ANHX: variants seen among roughly 807,000 people sequenced by gnomAD.
ANHX encodes anomalous homeobox protein.
In ANHX, 20 loss-of-function variants were observed where a neutral mutation model predicts 38.9. That is an observed-to-expected ratio of 0.51 (90% confidence interval 0.36 to 0.75). The LOEUF (loss-of-function observed/expected upper bound fraction) is 0.75. Ranked by LOEUF, ANHX falls within the 30% of genes least tolerant of loss-of-function variation. ANHX has a pLI of 0.00. For missense variants in ANHX, 475 were observed against 493.1 expected (o/e 0.96, Z 0.35); for synonymous variants, 185 against 203.1 (o/e 0.91, Z 0.76).
At chr12:133,230,102 G>C in intron 3 of ANHX, among the ~76,000 whole-genome samples, 1 of 152,216 alleles carries the variant, frequency 6.6e-6, no homozygotes, top group East Asian at 1.9e-4. Context: ...CTCACTCTCT[G>C]AATTATGTGA....
At chr12:133,220,655 C>A (rs1327661704) in intron 8 of ANHX, among the ~76,000 whole-genome samples, 25 of 152,234 alleles carry the variant, frequency 1.6e-4, no homozygotes, top group Non-Finnish European at 2.9e-5. Flanking sequence ...TCTGCTAGAA[C>A]AGGAGTGGCG....
In ANHX at chr12:133,221,288, G is replaced by A; in HGVS notation, c.1197C>T (p.Ser399=). ...CCACCCGTAGCTCTGTCCGTCCACT[G>A]CTTGTGCCCAGACCCTCCTCCAATT... is the stretch of plus-strand genomic sequence containing the variant. ...SVQLEEGLGT[S]SGRTELRVGS... Residue 399 remains serine, a synonymous_variant, in exon 8 of 10, where the codon AGC becomes AGT. Transcript: ENST00000545940. This position sits in a 1 kb window ranked among gnomAD's most constrained non-coding sequence, Gnocchi z 4.1. 1 of 1,536,070 alleles carries A rather than the reference G, an allele frequency of 6.5e-7. No homozygotes were observed. The highest frequency in any genetic ancestry group is 8.7e-7 in the Non-Finnish European group (1 of 1,146,902).
chr12:133,219,047 C>T, intron 9 of ANHX, 76 bp from the exon 10 acceptor site: 1 of 1,374,406 alleles, frequency 7.3e-7, no homozygotes. Flanking sequence ...TGGGCACCTC[C>T]TGACCTTGGG....
chr12:133,221,798 T>A lies in ANHX; in HGVS notation c.1133-446A>T, dbSNP rs1277751341. The stretch of plus-strand genomic sequence containing the variant: ...AGGTTACCAAGATGTCACTGAGGTA[T>A]AAGCTGTCACTAGTTTCCCCTCCCT... On this transcript the variant is annotated intron_variant, in intron 7 of 9. Transcript: ENST00000545940. This position sits in a 1 kb window ranked among gnomAD's most constrained non-coding sequence, Gnocchi z 4.1. 6.6e-6 allele frequency among the ~76,000 whole-genome samples: 1 copy of A among 152,202 alleles called. No homozygotes were observed. Among genetic ancestry groups the A allele is most frequent in the Non-Finnish European group, 1.5e-5 (1 of 68,040 alleles).
In ANHX at chr12:133,227,130, C is replaced by G; in HGVS notation, c.524G>C (p.Ser175Thr). ...AERENLALET[S>T]LTPEQVYNWF... ...GTTGTACACCTGCTCAGGGGTCAAG[C>G]TCGTCTCCAATGCCAAGTTCTCCTG... Residue 175 changes from serine to threonine, a missense_variant, in exon 5 of 10, where the codon AGC becomes ACC. Transcript: ENST00000545940. 6.5e-7 allele frequency: 1 copy of G among 1,535,426 alleles called. No individual in the cohort carries two copies. Among genetic ancestry groups the G allele is most frequent in the Non-Finnish European group, 8.7e-7 (1 of 1,146,478 alleles).
chr12:133,225,929 G>C lies in ANHX; in HGVS notation c.840-101C>G, dbSNP rs191247109. Among the ~76,000 whole-genome samples, 270 of 152,362 alleles carry C rather than the reference G, an allele frequency of 1.8e-3. 1 individual carries two copies. Among genetic ancestry groups the C allele is most frequent in the African/African-American group, 6.3e-3 (260 of 41,582 alleles). ...GCTCAAACAGTGCTGGTGTGCAGTA[G>C]GAACTCAAGAGATACTGGCTGGTAT... On this transcript the variant is annotated intron_variant, in intron 6 of 9. Transcript: ENST00000545940.
chr12:133,227,084 G>T lies in ANHX; in HGVS notation c.570C>A (p.Arg190=), dbSNP rs1373750172. 38 of 1,536,078 alleles carry T rather than the reference G, an allele frequency of 2.5e-5. No homozygotes were observed. Among genetic ancestry groups the T allele is most frequent in the Non-Finnish European group, 3.2e-5 (37 of 1,146,856 alleles). Residue 190 remains arginine, a synonymous_variant, in exon 5 of 10, where the codon CGC becomes CGA. Coordinates refer to ENST00000545940, the MANE Select transcript of ANHX (RefSeq NM_001372060.1). ...QVYNWFANYR[R]RQRALPQHMK... ...TGTGCTGGGGAAGGGCTCTTTGGCG[G>T]CGCCGGTAATTGGCAAACCAGTTGT...
At chr12:133,219,974 G>A (rs190845105) in intron 8 of ANHX, among the ~76,000 whole-genome samples, 2 of 152,258 alleles carry the variant, frequency 1.3e-5, no homozygotes, top group East Asian at 1.9e-4. Flanking sequence ...CATGCAGAGC[G>A]AAGGAAGCCA....
In ANHX at chr12:133,221,094, GGA is replaced by G; in HGVS notation, c.1280+109_1280+110del. On this transcript the variant is annotated intron_variant, in intron 8 of 9. Transcript: ENST00000545940. This position sits in a 1 kb window ranked among gnomAD's most constrained non-coding sequence, Gnocchi z 4.1. The stretch of plus-strand genomic sequence containing the variant: ...CTGTTACAGTTTTCAGCAATCCAAA[GGA>G]GAGGACCCTATCTGCACAGTCCGGG... 2 of 1,353,226 alleles carry G rather than the reference GGA, an allele frequency of 1.5e-6. No individual in the cohort carries two copies. Among genetic ancestry groups the G allele is most frequent in the Non-Finnish European group, 2.0e-6 (2 of 1,021,414 alleles). The allele number at this position is 1,353,226 out of a possible 1,614,324, so 83.8% of individuals were successfully genotyped here.
At chr12:133,231,423 C>G in intron 3 of ANHX, 94 bp downstream of exon 3, 1 of 1,488,504 alleles carries the variant, frequency 6.7e-7, no homozygotes, top group East Asian at 2.5e-5. Context: ...ATCTCCTCAC[C>G]TCCACTTTGC....
At chr12:133,228,310 G>A (rs1957218885) in intron 3 of ANHX, among the ~76,000 whole-genome samples, 1 of 151,658 alleles carries the variant, frequency 6.6e-6, no homozygotes, top group Non-Finnish European at 1.5e-5. Context: ...TCACACACAG[G>A]TGTCCTCAGC....
chr12:133,223,445 CTT>C lies in ANHX; in HGVS notation c.1132+2089_1132+2090del, dbSNP rs899014720. The stretch of plus-strand genomic sequence containing the variant: ...CCCAGAGCTTACAGGAGACTTTATT[CTT>C]TTTTTTTTTTTTTTTTGAGACGGAG... On this transcript the variant is annotated intron_variant, in intron 7 of 9. Transcript: ENST00000545940. Among the ~76,000 whole-genome samples the C allele has an allele frequency of 4.6e-3, 595 of 130,178 alleles. 2 individuals are homozygous for C. The highest frequency in any genetic ancestry group is 0.015 in the African/African-American group (536 of 35,584). 85.4% of individuals were successfully genotyped at this position (130,178 alleles called of 152,430 possible). A position where few individuals can be genotyped will look rare whatever the true frequency, so the allele number is the denominator to read the frequency against.
intron 2 of ANHX, among the ~76,000 whole-genome samples, chr12:133,233,406 G>T (rs144010224): frequency 0.034 from 5,232 of 152,222 alleles, 327 homozygotes; most frequent in African/African-American, 0.12. Flanking sequence ...TGTTTTACAG[G>T]GTCAAAGAAA....
rs867269140 is a variant in ANHX, at chr12:133,234,268, C to T, written c.89G>A (p.Arg30Gln). The T allele has an allele frequency of 2.7e-5, 42 of 1,536,012 alleles. No individual in the cohort carries two copies. The Middle Eastern group carries it at 1.3e-3, about 49-fold the overall frequency. The change falls in exon 2 of 10, where the codon CGG becomes CAG. Residue 30 changes from arginine (R) to glutamine (Q), a missense_variant. Physicochemically the swap from Arg to Gln is conservative, Grantham distance 43. Coordinates refer to ENST00000545940, the MANE Select transcript of ANHX (RefSeq NM_001372060.1). ...TTGGGCAAGGTCATCCTGGAAGTCC[C>T]GGCACAGTCTGCCCGCAAGGGTCAC... Reference protein sequence around the residue: ...ELVTLAGRLCRDFQDDLAQLQ... With the variant: ...ELVTLAGRLCQDFQDDLAQLQ...
At chr12:133,220,599 G>A (rs1957095426) in intron 8 of ANHX, among the ~76,000 whole-genome samples, 1 of 152,102 alleles carries the variant, frequency 6.6e-6, no homozygotes. Context: ...CACAACCTGG[G>A]GATCTGCTCT....
chr12:133,235,543 G>A (rs1957360587), intron 1 of ANHX: 1 of 149,776 alleles, frequency 6.7e-6, no homozygotes, highest in African/African-American at 2.5e-5. Context: ...TGGGGCTCCA[G>A]CCTGGGAGGC....
At chr12:133,233,804 C>T (rs978127148) in intron 2 of ANHX, among the ~76,000 whole-genome samples, 1 of 152,200 alleles carries the variant, frequency 6.6e-6, no homozygotes, top group African/African-American at 2.4e-5. Flanking sequence ...TCTCCAAAGA[C>T]AGGACTGCAT....
At position 133,226,406 on chromosome 12, in the gene ANHX, G is replaced by A. The variant is rs1440476129; in HGVS notation, c.751C>T (p.Pro251Ser). 3.3e-6 allele frequency: 5 copies of A among 1,536,036 alleles called. No homozygotes were observed. Among genetic ancestry groups the A allele is most frequent in the Admixed American group, 2.0e-5 (1 of 50,990 alleles). Reference protein sequence around the residue: ...EREEKGPPQSPQTTQGPWEPL... With the variant: ...EREEKGPPQSSQTTQGPWEPL... ...TCCCATGGTCCTTGGGTGGTCTGTGGGGACTGTGGAGGCCCCTTTTCCTCA... is the reference window on the plus strand; with the variant it reads ...TCCCATGGTCCTTGGGTGGTCTGTGAGGACTGTGGAGGCCCCTTTTCCTCA... Residue 251 changes from proline (P) to serine (S), a missense_variant, in exon 6 of 10, where the codon CCA (proline) becomes TCA (serine). Coordinates refer to ENST00000545940, the MANE Select transcript of ANHX (RefSeq NM_001372060.1).
chr12:133,224,984 C>CAAAA, intron 7 of ANHX, among the ~76,000 whole-genome samples: 1 of 146,540 alleles, frequency 6.8e-6, no homozygotes, highest in African/African-American at 2.6e-5. Flanking sequence ...AAAACAAAAA[C>CAAAA]AAAAAAGAAA....
Sources: allele counts gnomAD v4.1 joint callset (sites outside exome capture counted in the v4.1 genomes callset), GRCh38; gene constraint gnomAD v4.1.1; non-coding constraint Gnocchi (gnomAD v3.1); transcripts MANE v1.5; gene names NCBI Gene and HGNC (gene_info 2026-07-23, HGNC 2026-07-21).